CKAP4: variants seen among roughly 807,000 people sequenced by gnomAD.
CKAP4 encodes the protein cytoskeleton-associated protein 4.
In CKAP4, 20 loss-of-function variants were observed where a neutral mutation model predicts 24.4. The observed-to-expected ratio is 0.82, with a 90% CI of 0.58 to 1.19. The LOEUF (loss-of-function observed/expected upper bound fraction) is 1.19. Among genes scored for constraint, CKAP4 ranks in the 50% most tolerant of loss-of-function variants. The pLI is 0.00. For synonymous variants in CKAP4, 378 were observed against 351.7 expected (o/e 1.07, Z -0.84); for missense variants, 744 against 765.3 (o/e 0.97, Z 0.33).
rs71468294 is a variant in CKAP4, at chr12:106,238,428, G to C, written c.*596C>G. Reference sequence around the variant, plus strand: ...CTGATATCACAAGATGCGTCAGGAAGAGAAACGACACGCACACCATGAGGG... The same window carrying C: ...CTGATATCACAAGATGCGTCAGGAACAGAAACGACACGCACACCATGAGGG... On this transcript the variant is annotated 3_prime_UTR_variant, in exon 2 of 2. Transcript: ENST00000378026. The C allele has an allele frequency of 6.5e-6, 1 of 153,248 alleles. No homozygotes were observed. The highest frequency in any genetic ancestry group is 1.5e-5 in the Non-Finnish European group (1 of 68,582). The allele number at this position is 153,248 out of a possible 1,614,324, so 9.5% of individuals were successfully genotyped here.
intron 1 of CKAP4, among the ~76,000 whole-genome samples, chr12:106,242,378 T>C (rs2033976320): frequency 6.6e-6 from 1 of 152,216 alleles, no homozygotes; most frequent in African/African-American, 2.4e-5. Flanking sequence ...GAGGATAAAC[T>C]GAAGTGGGAT....
chr12:106,237,881 T>C lies in CKAP4; in HGVS notation c.*1143A>G, dbSNP rs1251180971. The C allele has an allele frequency of 6.6e-6, 1 of 150,894 alleles. No individual in the cohort carries two copies. The highest frequency in any genetic ancestry group is 2.4e-5 in the African/African-American group (1 of 41,034). 9.3% of individuals were successfully genotyped at this position (150,894 alleles called of 1,614,324 possible). A position where few individuals can be genotyped will look rare whatever the true frequency, so the allele number is the denominator to read the frequency against. Reference sequence around the variant, plus strand: ...TCAGAATGTAACCACTCTGGAAAAGTCATAACAAAGCTCAAGTGTTTATTA... The same window carrying C: ...TCAGAATGTAACCACTCTGGAAAAGCCATAACAAAGCTCAAGTGTTTATTA... On this transcript the variant is annotated 3_prime_UTR_variant, in exon 2 of 2. Coordinates refer to ENST00000378026, the MANE Select transcript of CKAP4 (RefSeq NM_006825.4).
rs761591346 is a variant in CKAP4, at chr12:106,247,345, A to C, written c.483+24T>G. The C allele has an allele frequency of 5.3e-6, 8 of 1,514,338 alleles. No individual in the cohort carries two copies. Among genetic ancestry groups the C allele is most frequent in the Non-Finnish European group, 7.0e-6 (8 of 1,134,824 alleles). The allele number at this position is 1,514,338 out of a possible 1,614,324, so 93.8% of individuals were successfully genotyped here. On this transcript the variant is annotated intron_variant, in intron 1 of 1. Transcript: ENST00000378026. This position sits in a 1 kb window ranked among gnomAD's most constrained non-coding sequence, Gnocchi z 4.5. ...TCCGGAGGCCGCAGTCGATGGGGAC[A>C]GTTGCGGGGCCGGGGGTACCCACCT... is the stretch of plus-strand genomic sequence containing the variant.
rs1238721003 is a variant in CKAP4, at chr12:106,247,940, C to G, written c.-89G>C. On this transcript the variant is annotated 5_prime_UTR_variant, in exon 1 of 2. Transcript: ENST00000378026. This position sits in a 1 kb window ranked among gnomAD's most constrained non-coding sequence, Gnocchi z 4.5. ...GAAACTTGCAGGGGCTCCCCCGGGA[C>G]TGGGCGAGCGGCACGCGGGCGCTGC... 1 of 831,036 alleles carries G rather than the reference C, an allele frequency of 1.2e-6. No individual in the cohort carries two copies. Among genetic ancestry groups the G allele is most frequent in the African/African-American group, 1.9e-5 (1 of 53,660 alleles). 51.5% of individuals were successfully genotyped at this position (831,036 alleles called of 1,614,324 possible).
rs766454750 is a variant in CKAP4, at chr12:106,247,389, A to T, written c.463T>A (p.Leu155Met). 30 of 1,538,266 alleles carry T rather than the reference A, an allele frequency of 2.0e-5. No individual in the cohort carries two copies. In the South Asian group the frequency reaches 3.4e-4, roughly 18 times the overall value. The part of the protein sequence containing the change: ...SRQREELGQG[L>M]QGVEQKVQSL... ...CCCACCTTCTGCTCGACGCCCTGCA[A>T]GCCCTGGCCCAGCTCCTCCCTCTGC... The change falls in exon 1 of 2, where the codon TTG (leucine) becomes ATG (methionine). Residue 155 changes from leucine to methionine, a missense_variant. Transcript: ENST00000378026. This position sits in a 1 kb window ranked among gnomAD's most constrained non-coding sequence, Gnocchi z 4.5.
intron 1 of CKAP4, among the ~76,000 whole-genome samples, chr12:106,240,867 G>A (rs2033964365): frequency 6.6e-6 from 1 of 152,074 alleles, no homozygotes; most frequent in Non-Finnish European, 1.5e-5. Context: ...GAAACTTACA[G>A]ACTGAAAGAA....
chr12:106,243,568 G>A (rs1338791020), intron 1 of CKAP4, among the ~76,000 whole-genome samples: 3 of 152,178 alleles, frequency 2.0e-5, no homozygotes, highest in Non-Finnish European at 4.4e-5. Flanking sequence ...TTTATATCAC[G>A]CTGGATCTGC....
chr12:106,245,243 A>G (rs2033997881), intron 1 of CKAP4, among the ~76,000 whole-genome samples: 1 of 151,702 alleles, frequency 6.6e-6, no homozygotes, highest in South Asian at 2.1e-4. Flanking sequence ...GAAATTCCAC[A>G]CCCTCCCTCT....
intron 1 of CKAP4, among the ~76,000 whole-genome samples, chr12:106,245,865 G>A (rs1186194967): frequency 2.0e-5 from 3 of 151,992 alleles, no homozygotes; most frequent in South Asian, 2.1e-4. Context: ...ACAGTGCCGG[G>A]ATTACAGGCG....
rs112234315 is a variant in CKAP4, at chr12:106,239,501, G to A, written c.1332C>T (p.His444=). 8.6e-4 allele frequency: 1,387 copies of A among 1,608,748 alleles called. 5 individuals carry two copies. The African/African-American group carries it at 0.016, about 19-fold the overall frequency. ...LESLLSKSQE[H]EQRLAALQGR... ...CCTGCAGGGCGGCCAGGCGCTGCTC[G>A]TGCTCCTGGCTCTTGGACAGGAGGG... The change falls in exon 2 of 2, where the codon CAC becomes CAT. Residue 444 remains histidine (H), a synonymous_variant. Transcript: ENST00000378026. This position sits in a 1 kb window ranked among gnomAD's most constrained non-coding sequence, Gnocchi z 4.9.
intron 1 of CKAP4, 119 bp from the exon 2 acceptor site, chr12:106,240,468 T>C: frequency 8.5e-7 from 1 of 1,178,814 alleles, no homozygotes; most frequent in South Asian, 1.5e-5. Context: ...ACCACAATTT[T>C]CCTTTGGAGA....
At position 106,238,967 on chromosome 12, in the gene CKAP4, CAT is replaced by C. The variant is rs1421928674; in HGVS notation, c.*55_*56del. ...AGGGGACACATGGGAAAAAACCACACATTTTTTGGTCATGAGAAATTGGACTT... is the reference window on the plus strand; with the variant it reads ...AGGGGACACATGGGAAAAAACCACACTTTTTGGTCATGAGAAATTGGACTT... On this transcript the variant is annotated 3_prime_UTR_variant, in exon 2 of 2. Transcript: ENST00000378026. The C allele has an allele frequency of 2.5e-6, 4 of 1,573,916 alleles. No homozygotes were observed. In the African/African-American group the frequency reaches 4.1e-5, roughly 16 times the overall value.
chr12:106,239,731 C>CCGGGAGG lies in CKAP4; in HGVS notation c.1095_1101dup (p.Glu368ProfsTer35), dbSNP rs2033951711. ...TCTTCCTCCAGTCTCCGGATCTCCTCCGGGAGGCGGGAGACGGACTCCTCA... is the reference window on the plus strand; with the variant it reads ...TCTTCCTCCAGTCTCCGGATCTCCTCCGGGAGGCGGGAGGCGGGAGACGGACTCCTCA... On this transcript the variant is annotated frameshift_variant, in exon 2 of 2. Transcript: ENST00000378026. LOFTEE classifies it low-confidence loss of function (END_TRUNC). This position sits in a 1 kb window ranked among gnomAD's most constrained non-coding sequence, Gnocchi z 4.9. 6.2e-7 allele frequency: 1 copy of CCGGGAGG among 1,613,866 alleles called. No homozygotes were observed. The highest frequency in any genetic ancestry group is 8.5e-7 in the Non-Finnish European group (1 of 1,179,968).
At chr12:106,243,971 T>C (rs545145389) in intron 1 of CKAP4, among the ~76,000 whole-genome samples, 4 of 152,218 alleles carry the variant, frequency 2.6e-5, no homozygotes, top group Non-Finnish European at 5.9e-5. Flanking sequence ...ATACTGTAAG[T>C]ATACTTCCCT....
intron 1 of CKAP4, among the ~76,000 whole-genome samples, chr12:106,240,748 G>C (rs1216501812): frequency 6.6e-6 from 1 of 151,422 alleles, no homozygotes; most frequent in African/African-American, 2.4e-5. Flanking sequence ...ATGCAGAAGA[G>C]ACATGTCGTG....
At chr12:106,245,191 C>G (rs2033997428) in intron 1 of CKAP4, among the ~76,000 whole-genome samples, 1 of 152,136 alleles carries the variant, frequency 6.6e-6, no homozygotes, top group Admixed American at 6.5e-5. Context: ...TATCGATCAC[C>G]AGCTAGATGG....
Position 106,239,512 on chromosome 12 carries a change from T to C in CKAP4, c.1321A>G (p.Ser441Gly). ...GCCAGGCGCTGCTCGTGCTCCTGGC[T>C]CTTGGACAGGAGGGACTCCAGGCTC... is the stretch of plus-strand genomic sequence containing the variant. ...TESLESLLSK[S>G]QEHEQRLAAL... is the part of the protein sequence containing the mutation. Residue 441 changes from serine to glycine, a missense_variant, in exon 2 of 2, where the codon AGC (serine) becomes GGC (glycine). Transcript: ENST00000378026. This position sits in a 1 kb window ranked among gnomAD's most constrained non-coding sequence, Gnocchi z 4.9. 1 of 1,609,810 alleles carries C rather than the reference T, an allele frequency of 6.2e-7. No individual in the cohort carries two copies. Among genetic ancestry groups the C allele is most frequent in the Non-Finnish European group, 8.5e-7 (1 of 1,179,450 alleles).
chr12:106,239,970 G>T lies in CKAP4; in HGVS notation c.863C>A (p.Ala288Asp). The change falls in exon 2 of 2, where the codon GCC becomes GAC. Residue 288 changes from alanine (A) to aspartate (D), a missense_variant. Physicochemically the swap from Ala to Asp is moderately radical, Grantham distance 126. Around this residue, in one of 3 missense-constraint regions of CKAP4, gnomAD observed 401 missense variants for 424.5 expected, o/e 0.94. Transcript: ENST00000378026. This position sits in a 1 kb window ranked among gnomAD's most constrained non-coding sequence, Gnocchi z 4.9. ...ESEGNKQDLK[A>D]LKEAVKEIQT... ...TATCTCCTTCACAGCTTCCTTTAAG[G>T]CTTTCAAATCCTGCTTGTTCCCCTC... The T allele has an allele frequency of 1.2e-6, 2 of 1,614,098 alleles. No individual in the cohort carries two copies. Among genetic ancestry groups the T allele is most frequent in the East Asian group, 4.5e-5 (2 of 44,852 alleles).
At position 106,247,521 on chromosome 12, in the gene CKAP4, G is replaced by T. The variant is rs996704144; in HGVS notation, c.331C>A (p.Leu111Ile). The part of the protein sequence containing the change: ...SRRLGRALNF[L>I]FYLALVAAAA... ...GCCGCCACCAGGGCGAGGTAGAAGA[G>T]AAAGTTGAGCGCCCTGCCGAGCCTG... The change falls in exon 1 of 2, where the codon CTC (leucine) becomes ATC (isoleucine). Residue 111 changes from leucine (L) to isoleucine (I), a missense_variant. Around this residue, in one of 3 missense-constraint regions of CKAP4, gnomAD observed 300 missense variants for 264.5 expected, o/e 1.13. Coordinates refer to ENST00000378026, the MANE Select transcript of CKAP4 (RefSeq NM_006825.4). This position sits in a 1 kb window ranked among gnomAD's most constrained non-coding sequence, Gnocchi z 4.5. 2 of 1,533,692 alleles carry T rather than the reference G, an allele frequency of 1.3e-6. No individual in the cohort carries two copies. Among genetic ancestry groups the T allele is most frequent in the Admixed American group, 2.0e-5 (1 of 50,752 alleles).
Sources: allele counts gnomAD v4.1 joint callset (sites outside exome capture counted in the v4.1 genomes callset), GRCh38; gene constraint gnomAD v4.1.1; regional missense constraint gnomAD v4.1.1; non-coding constraint Gnocchi (gnomAD v3.1); transcripts MANE v1.5; gene names NCBI Gene and HGNC (gene_info 2026-07-23, HGNC 2026-07-21).